FRMD6: variants seen among roughly 807,000 people sequenced by gnomAD.
FRMD6 encodes FERM domain containing 6, also known as FERM domain-containing protein 6.
FRMD6 carries 37 observed loss-of-function variants against 73.2 expected under a neutral mutation model. That is an observed-to-expected ratio of 0.51 (90% confidence interval 0.39 to 0.66). The LOEUF is 0.66. FRMD6 is among the 30% of genes least tolerant of loss of function. FRMD6 has a pLI of 0.00. For synonymous variants in FRMD6, 273 were observed against 282.2 expected (o/e 0.97, Z 0.33); for missense variants, 714 against 780.5 (o/e 0.91, Z 1.02).
At chr14:51,449,484 G>A in the FRMD6 span, among the ~76,000 whole-genome samples, 1 of 152,256 alleles carries the variant, frequency 6.6e-6, no homozygotes, top group South Asian at 2.1e-4. Context: ...CTGCAGAACA[G>A]TTCCAAAGCC....
the FRMD6 span, among the ~76,000 whole-genome samples, chr14:51,449,674 A>G: frequency 6.6e-6 from 1 of 152,240 alleles, no homozygotes; most frequent in Admixed American, 6.5e-5. Flanking sequence ...TTAATAAAAA[A>G]TTATCAAAAA....
intron 10 of FRMD6, among the ~76,000 whole-genome samples, chr14:51,718,883 G>A (rs1227740274): frequency 1.3e-5 from 2 of 151,998 alleles, no homozygotes; most frequent in Non-Finnish European, 2.9e-5. Context: ...TCTCTCTAGG[G>A]ACCCTGTGAT....
chr14:51,491,100 CT>C (rs1882977702), intron 1 of FRMD6, among the ~76,000 whole-genome samples: 1 of 152,186 alleles, frequency 6.6e-6, no homozygotes, highest in African/African-American at 2.4e-5. Context: ...TTGGAAGACT[CT>C]TCCCTGGGTG....
chr14:51,718,283 G>C (rs191313075), intron 10 of FRMD6, among the ~76,000 whole-genome samples: 1 of 152,288 alleles, frequency 6.6e-6, no homozygotes, highest in Non-Finnish European at 1.5e-5. Context: ...TAGAAAACAG[G>C]CTGGCAAGTA....
At chr14:51,590,331 T>C (rs941943757) in intron 2 of FRMD6, among the ~76,000 whole-genome samples, 3 of 152,212 alleles carry the variant, frequency 2.0e-5, no homozygotes, top group African/African-American at 7.2e-5. Flanking sequence ...TTCGATTTTT[T>C]TGGTTTGTTT....
intron 1 of FRMD6, among the ~76,000 whole-genome samples, chr14:51,661,820 A>G (rs1452062940): frequency 6.6e-6 from 1 of 152,152 alleles, no homozygotes; most frequent in South Asian, 2.1e-4. Flanking sequence ...ATGAAAGATA[A>G]CTATTACTTG....
chr14:51,689,602 T>C (rs1464853797), intron 1 of FRMD6, 89 bp from the exon 2 acceptor site: 2 of 514,810 alleles, frequency 3.9e-6, no homozygotes, highest in Non-Finnish European at 7.0e-6. Flanking sequence ...GTGCCCACAA[T>C]AGTAGTGGTG....
At chr14:51,472,131 C>G in the FRMD6 span, among the ~76,000 whole-genome samples, 1 of 151,870 alleles carries the variant, frequency 6.6e-6, no homozygotes, top group African/African-American at 2.4e-5. Context: ...ATATATTTCC[C>G]CTAAGTGAAG....
the FRMD6 span, among the ~76,000 whole-genome samples, chr14:51,437,610 C>A: frequency 6.6e-6 from 1 of 152,146 alleles, no homozygotes; most frequent in Non-Finnish European, 1.5e-5. Context: ...CCCCAACTTT[C>A]TTTTTTAAAA....
the FRMD6 span, among the ~76,000 whole-genome samples, chr14:51,418,816 G>T: frequency 2.0e-4 from 30 of 152,238 alleles, no homozygotes; most frequent in Non-Finnish European, 4.3e-4. Flanking sequence ...GCCTTGCTGA[G>T]CTGTGGTGGG....
intron 2 of FRMD6, among the ~76,000 whole-genome samples, chr14:51,645,713 G>A (rs1027260627): frequency 6.6e-6 from 1 of 152,024 alleles, no homozygotes. Flanking sequence ...GCCTCCCAAA[G>A]TGCTGAGATT....
chr14:51,701,537 T>C (rs959630620), intron 4 of FRMD6, among the ~76,000 whole-genome samples: 3 of 146,852 alleles, frequency 2.0e-5, no homozygotes, highest in African/African-American at 7.4e-5. Context: ...CTAAAGTGTA[T>C]ATATATACTT....
intron 2 of FRMD6, among the ~76,000 whole-genome samples, chr14:51,620,647 C>T (rs147658600): frequency 3.5e-4 from 54 of 152,316 alleles, no homozygotes; most frequent in Non-Finnish European, 6.6e-4. Context: ...CCCAAGAAGT[C>T]TTGTCCACTC....
chr14:51,609,201 TCG>T (rs1015459756), intron 2 of FRMD6, among the ~76,000 whole-genome samples: 30 of 152,286 alleles, frequency 2.0e-4, no homozygotes, highest in African/African-American at 6.3e-4. Context: ...TCCCAGTCTC[TCG>T]GGGTCAGGTT....
intron 1 of FRMD6, among the ~76,000 whole-genome samples, chr14:51,655,743 T>A (rs944831305): frequency 6.6e-6 from 1 of 152,174 alleles, no homozygotes; most frequent in Non-Finnish European, 1.5e-5. Flanking sequence ...GAAAAAAGGA[T>A]CAGAATGATT....
chr14:51,654,541 CG>C (rs1049315045), intron 1 of FRMD6, among the ~76,000 whole-genome samples: 2 of 148,734 alleles, frequency 1.3e-5, no homozygotes, highest in African/African-American at 4.9e-5. Context: ...TTGTAGTTTT[CG>C]ATTTGGATGT....
chr14:51,499,755 C>T (rs1431443412), intron 1 of FRMD6, among the ~76,000 whole-genome samples: 1 of 152,202 alleles, frequency 6.6e-6, no homozygotes, highest in East Asian at 1.9e-4. Context: ...GTATTCGGTC[C>T]TTGGGTGATC....
intron 1 of FRMD6, among the ~76,000 whole-genome samples, chr14:51,494,574 C>T (rs1883189377): frequency 6.6e-6 from 1 of 152,246 alleles, no homozygotes; most frequent in South Asian, 2.1e-4. Context: ...AAAGCCCATG[C>T]CACAGCTGTC....
At chr14:51,697,024 C>G (rs568486673) in intron 2 of FRMD6, among the ~76,000 whole-genome samples, 1 of 151,972 alleles carries the variant, frequency 6.6e-6, no homozygotes, top group Non-Finnish European at 1.5e-5. Context: ...CAAGTGTTGA[C>G]GAGGATGTGG....
Sources: gnomAD v4.1 joint callset for allele counts (sites outside exome capture counted in the v4.1 genomes callset) on GRCh38, gnomAD v4.1.1 for gene constraint, MANE v1.5 for transcripts, NCBI Gene and HGNC (gene_info 2026-07-23, HGNC 2026-07-21) for gene names.